Variants in REDIC1 observed in about 807,000 individuals in gnomAD.
REDIC1 encodes the protein HEI10 Interacting Protein 1.
the REDIC1 span, among the ~76,000 whole-genome samples, chr12:39,712,972 T>G: frequency 5.4e-5 from 1 of 18,544 alleles, no homozygotes; most frequent in African/African-American, 2.0e-4. Context: ...TACGTGTATA[T>G]GTATATATAC....
the REDIC1 span, among the ~76,000 whole-genome samples, chr12:39,823,400 A>T: frequency 4.4e-4 from 67 of 152,114 alleles, 1 homozygote; most frequent in South Asian, 0.013. Flanking sequence ...TGATAAAATA[A>T]ATTTCATTTT....
the REDIC1 span, among the ~76,000 whole-genome samples, chr12:39,897,727 CT>C: frequency 6.6e-6 from 1 of 152,056 alleles, no homozygotes; most frequent in African/African-American, 2.4e-5. Flanking sequence ...AATATCTTCA[CT>C]GTAGAGAAAC....
chr12:39,668,469 A>G, the REDIC1 span, among the ~76,000 whole-genome samples: 3 of 152,012 alleles, frequency 2.0e-5, no homozygotes, highest in African/African-American at 4.8e-5. Flanking sequence ...GTTGTGGGTA[A>G]CCCAACCTTT....
chr12:39,862,696 T>C, the REDIC1 span, among the ~76,000 whole-genome samples: 1 of 152,176 alleles, frequency 6.6e-6, no homozygotes, highest in African/African-American at 2.4e-5. Flanking sequence ...GGGAAATGTA[T>C]ATAGATGGTT....
At chr12:39,663,192 T>C in the REDIC1 span, among the ~76,000 whole-genome samples, 1 of 152,036 alleles carries the variant, frequency 6.6e-6, no homozygotes, top group Non-Finnish European at 1.5e-5. Context: ...ATCTGTCTTA[T>C]GCTGAGAGTG....
At chr12:39,722,152 C>T in the REDIC1 span, among the ~76,000 whole-genome samples, 1 of 152,020 alleles carries the variant, frequency 6.6e-6, no homozygotes, top group Non-Finnish European at 1.5e-5. Context: ...ACAATGTTTT[C>T]ATGTTACATT....
the REDIC1 span, among the ~76,000 whole-genome samples, chr12:39,642,543 G>A: frequency 2.6e-5 from 4 of 151,620 alleles, no homozygotes; most frequent in South Asian, 8.3e-4. Context: ...CCTCACTATG[G>A]TCTTATCCAT....
chr12:39,818,999 C>A, the REDIC1 span, among the ~76,000 whole-genome samples: 1 of 152,080 alleles, frequency 6.6e-6, no homozygotes, highest in African/African-American at 2.4e-5. Flanking sequence ...GTTAAACGAA[C>A]GAAGATGTTT....
the REDIC1 span, among the ~76,000 whole-genome samples, chr12:39,849,363 G>A: frequency 6.6e-6 from 1 of 152,066 alleles, no homozygotes; most frequent in Non-Finnish European, 1.5e-5. Flanking sequence ...TGACCTAAAA[G>A]TCTCAGAGTT....
chr12:39,710,710 T>G, the REDIC1 span, among the ~76,000 whole-genome samples: 2 of 151,804 alleles, frequency 1.3e-5, no homozygotes, highest in Non-Finnish European at 2.9e-5. Context: ...TCATCACACT[T>G]AGCTGCCTAC....
the REDIC1 span, among the ~76,000 whole-genome samples, chr12:39,701,476 A>C: frequency 2.0e-5 from 3 of 152,194 alleles, no homozygotes; most frequent in Non-Finnish European, 4.4e-5. Context: ...GTAGACTCCC[A>C]CACATTAATA....
At chr12:39,851,208 A>ATT in the REDIC1 span, among the ~76,000 whole-genome samples, 1 of 152,152 alleles carries the variant, frequency 6.6e-6, no homozygotes, top group Non-Finnish European at 1.5e-5. Context: ...CCAAAGTTAA[A>ATT]TGTTTATAGA....
chr12:39,716,973 TA>T, the REDIC1 span: 1 of 466,394 alleles, frequency 2.1e-6, no homozygotes, highest in Non-Finnish European at 3.4e-6. Flanking sequence ...AACAAAAAGG[TA>T]AAAAATTTTA....
At chr12:39,837,518 C>A in the REDIC1 span, among the ~76,000 whole-genome samples, 1 of 141,208 alleles carries the variant, frequency 7.1e-6, no homozygotes, top group Non-Finnish European at 1.5e-5. Context: ...AGAGCTTCTG[C>A]ACAGCAAAAG....
the REDIC1 span, among the ~76,000 whole-genome samples, chr12:39,818,489 A>G: frequency 6.6e-6 from 1 of 152,208 alleles, no homozygotes; most frequent in East Asian, 1.9e-4. Context: ...CTGAGTAATT[A>G]CCTTCTTTGT....
chr12:39,852,098 T>C, the REDIC1 span, among the ~76,000 whole-genome samples: 1 of 152,180 alleles, frequency 6.6e-6, no homozygotes, highest in Non-Finnish European at 1.5e-5. Flanking sequence ...AAGGTTAAGA[T>C]GCATAAAGTG....
the REDIC1 span, among the ~76,000 whole-genome samples, chr12:39,630,258 CA>C: frequency 6.6e-6 from 1 of 152,192 alleles, no homozygotes. Flanking sequence ...CTTTGGTCTG[CA>C]AAATGCTATT....
At chr12:39,858,094 G>A in the REDIC1 span, among the ~76,000 whole-genome samples, 2 of 152,158 alleles carry the variant, frequency 1.3e-5, no homozygotes, top group Admixed American at 6.5e-5. Flanking sequence ...CCCATAAATG[G>A]CAAACTTCCT....
chr12:39,801,312 T>C, the REDIC1 span, among the ~76,000 whole-genome samples: 1 of 128,092 alleles, frequency 7.8e-6, no homozygotes, highest in Non-Finnish European at 1.6e-5. Context: ...ACTTGATAAA[T>C]ATTTTTGAAT....
Sources: allele counts gnomAD v4.1 joint callset (sites outside exome capture counted in the v4.1 genomes callset), GRCh38; gene constraint gnomAD v4.1.1; transcripts MANE v1.5; gene names NCBI Gene and HGNC (gene_info 2026-07-23, HGNC 2026-07-21).